The following REPS1 variants were observed in gnomAD, a reference collection of about 807,000 sequenced individuals.
REPS1 encodes the protein RALBP1 associated Eps domain containing 1, also known as ralBP1-associated Eps domain-containing protein 1.
Under a neutral mutation model 100.9 loss-of-function variants are expected in REPS1, and 39 were observed. The ratio of observed to expected loss-of-function variants is 0.39; its 90% confidence interval spans 0.30 to 0.50. The LOEUF is 0.50. REPS1 is among the 20% of genes least tolerant of loss of function. The pLI is 0.86. For synonymous variants in REPS1, 324 were observed against 340.3 expected (o/e 0.95, Z 0.53); for missense variants, 821 against 968.5 (o/e 0.85, Z 2.02).
intron 1 of REPS1, chr6:138,951,290 A>G (rs1783021602): frequency 1.3e-5 from 2 of 152,202 alleles, no homozygotes; most frequent in African/African-American, 4.8e-5. Flanking sequence ...CCACATAAAG[A>G]TGTTAATTTT....
At chr6:138,935,520 A>C (rs1470077704) in intron 8 of REPS1, among the ~76,000 whole-genome samples, 1 of 152,142 alleles carries the variant, frequency 6.6e-6, no homozygotes, top group Non-Finnish European at 1.5e-5. Flanking sequence ...TTGTCTTAAA[A>C]ATCTACAGAG....
At chr6:138,956,327 G>A (rs1419058696) in intron 1 of REPS1, among the ~76,000 whole-genome samples, 1 of 152,056 alleles carries the variant, frequency 6.6e-6, no homozygotes, top group African/African-American at 2.4e-5. Context: ...TACCCATGGA[G>A]AAGAAACAAT....
In REPS1 at chr6:138,965,368, T is replaced by TAA. The variant is rs949907705; in HGVS notation, c.154-17457_154-17456dup. On this transcript the variant is annotated intron_variant, in intron 1 of 19. Transcript: ENST00000450536. ...AACAACAACAACGACAAAAAGGCTT[T>TAA]AAAAAAAAAACAAATAAGATTAAAG... Among the ~76,000 whole-genome samples, 3 of 147,038 alleles carry TAA rather than the reference T, an allele frequency of 2.0e-5. 1 individual carries two copies.
At chr6:138,920,347 G>A in intron 11 of REPS1, 31 bp from the exon 12 acceptor site, 1 of 1,188,760 alleles carries the variant, frequency 8.4e-7, no homozygotes, top group Non-Finnish European at 1.3e-6. Flanking sequence ...AAAAATACAA[G>A]ACATAGGTAT....
intron 12 of REPS1, 73 bp from the exon 13 acceptor site, chr6:138,917,700 A>G (rs981807284): frequency 2.5e-6 from 3 of 1,193,386 alleles, no homozygotes; most frequent in Non-Finnish European, 1.2e-6. Context: ...CCAAACAAAT[A>G]TAAGTGATAT....
chr6:138,943,738 A>G (rs1782420815), intron 6 of REPS1, 115 bp downstream of exon 6: 2 of 1,076,794 alleles, frequency 1.9e-6, no homozygotes, highest in East Asian at 5.3e-5. Context: ...TTAGACAAAT[A>G]ATCTGATAAT....
intron 7 of REPS1, 99 bp downstream of exon 7, chr6:138,943,414 G>T: frequency 1.5e-6 from 1 of 651,334 alleles, no homozygotes; most frequent in East Asian, 2.6e-5. Context: ...CAGCATTCTT[G>T]AAGGGGTTAG....
At chr6:138,938,286 C>T (rs1293414369) in intron 8 of REPS1, among the ~76,000 whole-genome samples, 5 of 152,154 alleles carry the variant, frequency 3.3e-5, no homozygotes, top group African/African-American at 1.2e-4. Context: ...TTTACCCCAA[C>T]CATGTTTGCA....
intron 10 of REPS1, among the ~76,000 whole-genome samples, chr6:138,922,620 G>C (rs1235709532): frequency 6.6e-6 from 1 of 152,150 alleles, no homozygotes; most frequent in Non-Finnish European, 1.5e-5. Context: ...GCAGAAACCA[G>C]AACCAGATCA....
Position 138,926,169 on chromosome 6 carries a change from T to C in REPS1, c.1338+232A>G, listed in dbSNP as rs913981030. Among the ~76,000 whole-genome samples, 92 of 152,316 alleles carry C rather than the reference T, an allele frequency of 6.0e-4. 2 individuals carry two copies. Among genetic ancestry groups the C allele is most frequent in the African/African-American group, 2.1e-3 (86 of 41,574 alleles). ...TAGATTGTCACAAAAAATGCTTCTCTAGACACATGTACCAGATTTTAAAAA... is the reference window on the plus strand; with the variant it reads ...TAGATTGTCACAAAAAATGCTTCTCCAGACACATGTACCAGATTTTAAAAA... On this transcript the variant is annotated intron_variant, in intron 10 of 19. Coordinates refer to ENST00000450536, the MANE Select transcript of REPS1 (RefSeq NM_001286611.2).
chr6:138,967,175 T>C (rs1784072506), intron 1 of REPS1, among the ~76,000 whole-genome samples: 1 of 152,262 alleles, frequency 6.6e-6, no homozygotes, highest in Non-Finnish European at 1.5e-5. Flanking sequence ...AAGAAGGCCC[T>C]AGCCAGATAT....
intron 5 of REPS1, 67 bp from the exon 6 acceptor site, chr6:138,944,082 G>A (rs1392305641): frequency 7.6e-6 from 11 of 1,438,452 alleles, no homozygotes; most frequent in Admixed American, 5.9e-5. Context: ...AAGATTGCTA[G>A]GTTATTTATC....
At chr6:138,953,497 A>G (rs1308241880) in intron 1 of REPS1, among the ~76,000 whole-genome samples, 1 of 152,162 alleles carries the variant, frequency 6.6e-6, no homozygotes, top group Non-Finnish European at 1.5e-5. Context: ...CTCAACAGCA[A>G]AAAACAAAAC....
chr6:138,948,674 C>T (rs1296524528), intron 1 of REPS1, among the ~76,000 whole-genome samples: 1 of 152,158 alleles, frequency 6.6e-6, no homozygotes, highest in Non-Finnish European at 1.5e-5. Context: ...ATATTATAAT[C>T]TTATCTTAAA....
At chr6:138,906,574 T>C (rs1290271924) in intron 19 of REPS1, among the ~76,000 whole-genome samples, 1 of 152,214 alleles carries the variant, frequency 6.6e-6, no homozygotes, top group Non-Finnish European at 1.5e-5. Context: ...GACAAATGTG[T>C]CACAGATAAT....
rs1779522735 is a variant in REPS1, at chr6:138,904,667, G to A, written c.*397C>T. On this transcript the variant is annotated 3_prime_UTR_variant, in exon 20 of 20. Transcript: ENST00000450536. ...GAAACTCTTTCTAAAGATTTTTATAGAATAGATGCTTTATGTAAAATATTA... is the reference window on the plus strand; with the variant it reads ...GAAACTCTTTCTAAAGATTTTTATAAAATAGATGCTTTATGTAAAATATTA... 1 of 112,188 alleles carries A rather than the reference G, an allele frequency of 8.9e-6. No individual in the cohort carries two copies. The highest frequency in any genetic ancestry group is 3.5e-5 in the African/African-American group (1 of 28,266). 6.9% of individuals were successfully genotyped at this position (112,188 alleles called of 1,614,324 possible). A position where few individuals can be genotyped will look rare whatever the true frequency, so the allele number is the denominator to read the frequency against.
chr6:138,932,623 C>T, intron 8 of REPS1, among the ~76,000 whole-genome samples: 1 of 152,290 alleles, frequency 6.6e-6, no homozygotes, highest in South Asian at 2.1e-4. Flanking sequence ...AGCATTTCTG[C>T]TGCATATGTA....
rs116186684 is a variant in REPS1, at chr6:138,988,034, G to C, written c.-352C>G. ...ACTGGCGGACTCCGCCCCCGCCGCG[G>C]GTTCGAGTCTCCCCGGCTCCCTGCC... is the stretch of plus-strand genomic sequence containing the variant. On this transcript the variant is annotated 5_prime_UTR_variant, in exon 1 of 20. Transcript: ENST00000450536. The C allele has an allele frequency of 2.5e-6, 1 of 397,044 alleles. No homozygotes were observed. The highest frequency in any genetic ancestry group is 4.4e-6 in the Non-Finnish European group (1 of 225,186). The allele number at this position is 397,044 out of a possible 1,614,324, so 24.6% of individuals were successfully genotyped here.
intron 8 of REPS1, among the ~76,000 whole-genome samples, chr6:138,935,565 T>C (rs1040757924): frequency 5.9e-5 from 9 of 151,816 alleles, no homozygotes; most frequent in Non-Finnish European, 1.3e-4. Context: ...GAACAAAGAA[T>C]GAAAGAAAAA....
Sources: allele counts gnomAD v4.1 joint callset (sites outside exome capture counted in the v4.1 genomes callset), GRCh38; gene constraint gnomAD v4.1.1; transcripts MANE v1.5; gene names NCBI Gene and HGNC (gene_info 2026-07-23, HGNC 2026-07-21).